The following BLTP3A variants were observed in gnomAD, a reference collection of about 807,000 sequenced individuals.
The protein encoded by BLTP3A is ICBP90 binding protein 1.
the BLTP3A span, chr6:34,834,790 C>G: frequency 1.2e-6 from 2 of 1,614,114 alleles, no homozygotes; most frequent in Non-Finnish European, 1.7e-6. Context: ...CAATGGTGAT[C>G]AGGACCCAGT....
chr6:34,842,818 C>CT, the BLTP3A span, among the ~76,000 whole-genome samples: 2 of 152,060 alleles, frequency 1.3e-5, no homozygotes, highest in Non-Finnish European at 2.9e-5. Flanking sequence ...GGTTAGAGGA[C>CT]TTTCTCTCAA....
chr6:34,838,426 G>C, the BLTP3A span, among the ~76,000 whole-genome samples: 1 of 152,148 alleles, frequency 6.6e-6, no homozygotes, highest in Non-Finnish European at 1.5e-5. Context: ...ATCAAATCCT[G>C]TTTCAAGCTT....
At chr6:34,831,391 G>A in the BLTP3A span, among the ~76,000 whole-genome samples, 6 of 152,118 alleles carry the variant, frequency 3.9e-5, no homozygotes, top group African/African-American at 1.4e-4. Context: ...GCCTCCCAAA[G>A]TGCTGGGATT....
At chr6:34,811,692 C>T in the BLTP3A span, among the ~76,000 whole-genome samples, 1 of 122,786 alleles carries the variant, frequency 8.1e-6, no homozygotes, top group Admixed American at 8.5e-5. Context: ...CCCCGCATCT[C>T]TACTAAAAAT....
At chr6:34,816,684 T>C in the BLTP3A span, among the ~76,000 whole-genome samples, 1 of 152,180 alleles carries the variant, frequency 6.6e-6, no homozygotes, top group African/African-American at 2.4e-5. Flanking sequence ...CTCAGCCTTT[T>C]CTCCTTACTC....
the BLTP3A span, chr6:34,871,065 G>A: frequency 5.0e-6 from 8 of 1,613,942 alleles, no homozygotes; most frequent in African/African-American, 4.0e-5. Flanking sequence ...AGGAGATCCC[G>A]GTGGTAGTCC....
the BLTP3A span, chr6:34,792,132 C>CGGCGGCGGCGGCGGCGGCGGT: frequency 1.1e-6 from 1 of 886,652 alleles, no homozygotes; most frequent in Non-Finnish European, 1.6e-6. Flanking sequence ...GCCATGGCGG[C>CGGCGGCGGCGGCGGCGGCGGT]GGCGGCGGCT....
chr6:34,792,315 C>T, the BLTP3A span: 2 of 1,538,764 alleles, frequency 1.3e-6, no homozygotes, highest in Admixed American at 2.0e-5. Context: ...CAGCGCCGGC[C>T]CCCGGCGGTC....
At chr6:34,804,484 A>G in the BLTP3A span, among the ~76,000 whole-genome samples, 3 of 152,036 alleles carry the variant, frequency 2.0e-5, no homozygotes, top group Admixed American at 2.0e-4. Flanking sequence ...GGGGGGTTGG[A>G]GTGGGGAGTG....
At chr6:34,850,391 T>C in the BLTP3A span, among the ~76,000 whole-genome samples, 1 of 152,194 alleles carries the variant, frequency 6.6e-6, no homozygotes, top group Non-Finnish European at 1.5e-5. Context: ...TGGATATTGG[T>C]ATCTTCTCTA....
the BLTP3A span, among the ~76,000 whole-genome samples, chr6:34,853,291 C>A: frequency 6.6e-6 from 1 of 152,146 alleles, no homozygotes; most frequent in African/African-American, 2.4e-5. Context: ...ATCCTCCTGC[C>A]TCAGCCTCCT....
chr6:34,872,032 A>G, the BLTP3A span: 3 of 1,118,630 alleles, frequency 2.7e-6, no homozygotes, highest in Non-Finnish European at 2.6e-6. Context: ...TGCTGCCTGC[A>G]TGTGGGTGTT....
chr6:34,822,857 A>G, the BLTP3A span, among the ~76,000 whole-genome samples: 2 of 151,940 alleles, frequency 1.3e-5, no homozygotes, highest in African/African-American at 4.8e-5. Flanking sequence ...TTCGGGAAAA[A>G]AAAAAAAAAA....
At chr6:34,831,251 C>G in the BLTP3A span, among the ~76,000 whole-genome samples, 3 of 152,040 alleles carry the variant, frequency 2.0e-5, no homozygotes, top group African/African-American at 7.3e-5. Context: ...CCTCAGCCTC[C>G]TGAGTGGCTG....
the BLTP3A span, among the ~76,000 whole-genome samples, chr6:34,824,695 G>A: frequency 6.6e-6 from 1 of 151,216 alleles, no homozygotes; most frequent in Admixed American, 6.6e-5. Flanking sequence ...TTTTGAGACA[G>A]GGTCTCGCTC....
the BLTP3A span, chr6:34,864,006 C>T: frequency 1.9e-6 from 3 of 1,587,350 alleles, no homozygotes; most frequent in African/African-American, 1.4e-5. Flanking sequence ...AAACAGGGAG[C>T]CCATGGCCAA....
At chr6:34,852,567 C>T in the BLTP3A span, among the ~76,000 whole-genome samples, 2 of 149,858 alleles carry the variant, frequency 1.3e-5, no homozygotes, top group Non-Finnish European at 3.0e-5. Context: ...CTCCTCTCCT[C>T]TCCTCTCCTC....
chr6:34,835,459 G>A, the BLTP3A span: 8 of 1,613,952 alleles, frequency 5.0e-6, no homozygotes, highest in Non-Finnish European at 5.9e-6. Flanking sequence ...CCCTGAACCT[G>A]TGCAGGTTAG....
chr6:34,832,075 A>T, the BLTP3A span, among the ~76,000 whole-genome samples: 1 of 149,904 alleles, frequency 6.7e-6, no homozygotes, highest in Admixed American at 6.7e-5. Context: ...CACCTCCCAA[A>T]TTTCTGGGAT....
Sources: gnomAD v4.1 joint callset for allele counts (sites outside exome capture counted in the v4.1 genomes callset) on GRCh38, gnomAD v4.1.1 for gene constraint, MANE v1.5 for transcripts, NCBI Gene and HGNC (gene_info 2026-07-23, HGNC 2026-07-21) for gene names.